TPD52L1: variants seen among roughly 807,000 people sequenced by gnomAD.
TPD52L1 encodes TPD52 like 1, also known as tumor protein D53.
A neutral mutation model predicts 28.7 loss-of-function variants in TPD52L1; 18 were observed. The observed-to-expected ratio is 0.63, with a 90% CI of 0.43 to 0.93. The LOEUF is 0.93. Among genes scored for constraint, TPD52L1 ranks in the 40% least tolerant of loss-of-function variants. The pLI, the probability that TPD52L1 is intolerant of heterozygous loss-of-function variation, is 0.00. For missense variants in TPD52L1, 203 were observed against 254.8 expected (o/e 0.80, Z 1.39); for synonymous variants, 75 against 88.8 (o/e 0.84, Z 0.88).
At chr6:125,186,975 A>G (rs1259299366) in intron 1 of TPD52L1, among the ~76,000 whole-genome samples, 1 of 152,202 alleles carries the variant, frequency 6.6e-6, no homozygotes, top group Non-Finnish European at 1.5e-5. Context: ...TTTATCCTTT[A>G]TGAAAATGTT....
intron 1 of TPD52L1, among the ~76,000 whole-genome samples, chr6:125,174,783 T>G (rs748388011): frequency 1.2e-4 from 19 of 152,326 alleles, no homozygotes; most frequent in Admixed American, 7.8e-4. Context: ...ATTTCCGGTC[T>G]CTTGTGGCTT....
chr6:125,253,859 A>C (rs994644915), intron 5 of TPD52L1, 104 bp downstream of exon 5: 1 of 1,106,738 alleles, frequency 9.0e-7, no homozygotes, highest in Non-Finnish European at 1.4e-6. Flanking sequence ...TGTGAAAGGA[A>C]ATTGCTGATG....
intron 6 of TPD52L1, chr6:125,262,563 C>A: frequency 3.0e-6 from 1 of 334,542 alleles, no homozygotes. Context: ...GATTATGCTC[C>A]TGAAGGGATT....
chr6:125,205,945 G>C (rs1446026578), intron 1 of TPD52L1, among the ~76,000 whole-genome samples: 1 of 152,168 alleles, frequency 6.6e-6, no homozygotes, highest in Non-Finnish European at 1.5e-5. Flanking sequence ...TGAGACTAGA[G>C]TCCATTTTAA....
chr6:125,171,009 GA>G (rs749233681), intron 1 of TPD52L1, among the ~76,000 whole-genome samples: 1 of 152,160 alleles, frequency 6.6e-6, no homozygotes, highest in Non-Finnish European at 1.5e-5. Context: ...CCCAAGAGAT[GA>G]CCAAGGGCTG....
chr6:125,162,137 C>A (rs1280065544), intron 1 of TPD52L1, among the ~76,000 whole-genome samples: 2 of 152,252 alleles, frequency 1.3e-5, no homozygotes, highest in South Asian at 2.1e-4. Context: ...ATTATTAAGA[C>A]TATTCATACA....
chr6:125,166,477 A>G (rs1790910132), intron 1 of TPD52L1, among the ~76,000 whole-genome samples: 1 of 152,146 alleles, frequency 6.6e-6, no homozygotes, highest in South Asian at 2.1e-4. Context: ...TACCTGCACT[A>G]CCTGTAAAGT....
At chr6:125,229,008 A>G in intron 2 of TPD52L1, 110 bp from the exon 3 acceptor site, 1 of 1,139,150 alleles carries the variant, frequency 8.8e-7, no homozygotes, top group Middle Eastern at 2.0e-4. Flanking sequence ...TACACATGGG[A>G]TTGTATAAAT....
At chr6:125,216,148 C>T (rs1472176176) in intron 1 of TPD52L1, among the ~76,000 whole-genome samples, 1 of 152,120 alleles carries the variant, frequency 6.6e-6, no homozygotes, top group Non-Finnish European at 1.5e-5. Flanking sequence ...GTTAAATGAC[C>T]TGTAAGTTAC....
At chr6:125,204,166 T>C (rs1366412894) in intron 1 of TPD52L1, among the ~76,000 whole-genome samples, 1 of 152,172 alleles carries the variant, frequency 6.6e-6, no homozygotes, top group African/African-American at 2.4e-5. Context: ...TGTACTTACT[T>C]ATCGTTTTCC....
At chr6:125,183,788 A>G (rs770152754) in intron 1 of TPD52L1, among the ~76,000 whole-genome samples, 40 of 152,244 alleles carry the variant, frequency 2.6e-4, no homozygotes, top group Non-Finnish European at 5.1e-4. Context: ...ATTCCTGGCA[A>G]CATGGTTGAC....
At chr6:125,254,352 T>C (rs1245659351) in intron 5 of TPD52L1, among the ~76,000 whole-genome samples, 3 of 152,186 alleles carry the variant, frequency 2.0e-5, no homozygotes, top group Non-Finnish European at 4.4e-5. Flanking sequence ...ATTAAACTAA[T>C]AGCAAGACAG....
At chr6:125,182,571 C>A (rs1374589821) in intron 1 of TPD52L1, among the ~76,000 whole-genome samples, 2 of 152,042 alleles carry the variant, frequency 1.3e-5, no homozygotes, top group Non-Finnish European at 2.9e-5. Flanking sequence ...CTTAAAGTGG[C>A]CTTTGCTTCT....
intron 1 of TPD52L1, among the ~76,000 whole-genome samples, chr6:125,188,304 T>C (rs1792786229): frequency 6.6e-6 from 1 of 152,190 alleles, no homozygotes; most frequent in Non-Finnish European, 1.5e-5. Context: ...CTTCTTCACC[T>C]AGTAAGAGCT....
intron 1 of TPD52L1, among the ~76,000 whole-genome samples, chr6:125,204,967 G>A (rs563661): frequency 0.22 from 33,923 of 152,126 alleles, 4,773 homozygotes; most frequent in African/African-American, 0.39. Context: ...AGCATAGTAA[G>A]TGCTTCAATA....
At chr6:125,172,535 T>TATATATATATATAATATATATATATA (rs1791515381) in intron 1 of TPD52L1, among the ~76,000 whole-genome samples, 9 of 98,150 alleles carry the variant, frequency 9.2e-5, no homozygotes, top group African/African-American at 3.6e-4. Flanking sequence ...TATATATATA[T>TATATATATATATAATATATATATATA]ATATATATAT....
At chr6:125,201,570 G>A (rs9491329) in intron 1 of TPD52L1, among the ~76,000 whole-genome samples, 2,224 of 152,258 alleles carry the variant, frequency 0.015, 45 homozygotes, top group African/African-American at 0.051. Context: ...GTGTCACAGT[G>A]CAAAAGCCAA....
In TPD52L1 at chr6:125,230,525, G is replaced by T. The variant is rs138834631; in HGVS notation, c.284+1259G>T. 3.1e-4 allele frequency among the ~76,000 whole-genome samples: 47 copies of T among 152,230 alleles called. No individual in the cohort carries two copies. The East Asian group carries it at 7.0e-3, about 23-fold the overall frequency. The stretch of plus-strand genomic sequence containing the variant: ...TTTTCTTTCTCCTAGGCATAGAAAG[G>T]CCTGATGGTAGGAAGAGGTACCAAT... On this transcript the variant is annotated intron_variant, in intron 3 of 6. Transcript: ENST00000534000.
intron 3 of TPD52L1, among the ~76,000 whole-genome samples, chr6:125,235,164 G>T (rs1455905277): frequency 2.0e-5 from 3 of 149,472 alleles, no homozygotes; most frequent in African/African-American, 4.9e-5. Context: ...GATAGGAGGG[G>T]TTTTTTTCCC....
Sources: gnomAD v4.1 joint callset for allele counts (sites outside exome capture counted in the v4.1 genomes callset) on GRCh38, gnomAD v4.1.1 for gene constraint, MANE v1.5 for transcripts, NCBI Gene and HGNC (gene_info 2026-07-23, HGNC 2026-07-21) for gene names.